Variants in PKHD1 observed in about 807,000 individuals in gnomAD.
The protein encoded by PKHD1 is fibrocystin.
In PKHD1, 291 loss-of-function variants were observed where a neutral mutation model predicts 412.0. That is an observed-to-expected ratio of 0.71 (90% CI 0.64 to 0.78). The LOEUF is 0.78. Ranked by LOEUF, PKHD1 falls within the 30% of genes least tolerant of loss-of-function variation. The probability of loss-of-function intolerance (pLI) is 0.00; values close to 1 mark genes in which losing one functional copy is unlikely to be tolerated. For missense variants in PKHD1, 4,825 were observed against 4,950.7 expected (o/e 0.97, Z 0.76); for synonymous variants, 1,777 against 1,821.5 (o/e 0.98, Z 0.62).
chr6:51,739,824 T>C (rs982753298), intron 60 of PKHD1, among the ~76,000 whole-genome samples: 3 of 152,186 alleles, frequency 2.0e-5, no homozygotes, highest in Admixed American at 1.3e-4. Flanking sequence ...TTAAATTCTG[T>C]TGAAACTGAA....
At chr6:51,846,914 C>A (rs1771266958) in intron 50 of PKHD1, among the ~76,000 whole-genome samples, 1 of 152,156 alleles carries the variant, frequency 6.6e-6, no homozygotes, top group African/African-American at 2.4e-5. Context: ...GGACTCTCTA[C>A]TGTTCCTCAT....
chr6:51,632,763 T>G (rs1768082784), intron 64 of PKHD1, 40 bp from the exon 65 acceptor site: 1 of 1,515,276 alleles, frequency 6.6e-7, no homozygotes. Flanking sequence ...GATATGTTAA[T>G]AAGATGCTAA....
At chr6:51,862,950 T>C (rs2151732515) in intron 48 of PKHD1, among the ~76,000 whole-genome samples, 1 of 152,312 alleles carries the variant, frequency 6.6e-6, no homozygotes, top group African/African-American at 2.4e-5. Flanking sequence ...CATTTGTTTC[T>C]CAGAAACAAA....
intron 60 of PKHD1, chr6:51,682,349 C>T: frequency 2.5e-6 from 1 of 399,374 alleles, no homozygotes; most frequent in Non-Finnish European, 5.0e-6. Flanking sequence ...CATCAGTATT[C>T]TCTGTTAAAG....
At chr6:51,730,592 T>C (rs1157368464) in intron 60 of PKHD1, among the ~76,000 whole-genome samples, 2 of 152,190 alleles carry the variant, frequency 1.3e-5, no homozygotes, top group Admixed American at 6.5e-5. Context: ...ATGCTTCCAA[T>C]TGTCAGAAAC....
intron 38 of PKHD1, among the ~76,000 whole-genome samples, 160 bp downstream of exon 38, chr6:51,912,206 C>T (rs752549924): frequency 1.8e-4 from 27 of 152,082 alleles, no homozygotes; most frequent in Non-Finnish European, 3.8e-4. Flanking sequence ...TCTAAATCTT[C>T]AAAACATTTC....
intron 35 of PKHD1, among the ~76,000 whole-genome samples, chr6:51,970,853 C>T (rs1182767217): frequency 1.3e-5 from 2 of 152,124 alleles, no homozygotes; most frequent in Non-Finnish European, 2.9e-5. Context: ...GTGACCATAG[C>T]CTTGCAGTAT....
intron 46 of PKHD1, among the ~76,000 whole-genome samples, chr6:51,871,313 T>TTTAGAA (rs1562505563): frequency 7.6e-6 from 1 of 130,882 alleles, no homozygotes; most frequent in African/African-American, 2.6e-5. Context: ...CAAACTGCAT[T>TTTAGAA]ACATCTATCT....
intron 57 of PKHD1, 79 bp downstream of exon 57, chr6:51,753,122 T>G: frequency 8.0e-7 from 1 of 1,252,582 alleles, no homozygotes; most frequent in Non-Finnish European, 1.2e-6. Context: ...AAATGAAAAT[T>G]CTCACAGTTG....
intron 52 of PKHD1, among the ~76,000 whole-genome samples, chr6:51,792,907 A>G (rs946953242): frequency 1.3e-5 from 2 of 152,220 alleles, no homozygotes; most frequent in African/African-American, 4.8e-5. Flanking sequence ...TTCAAATTAT[A>G]TACATACATT....
At chr6:51,745,845 T>C (rs1259545692) in intron 59 of PKHD1, among the ~76,000 whole-genome samples, 6 of 152,172 alleles carry the variant, frequency 3.9e-5, no homozygotes, top group Non-Finnish European at 8.8e-5. Flanking sequence ...GAAAATTGGA[T>C]AGTAAATTTT....
intron 60 of PKHD1, chr6:51,721,286 T>A: frequency 1.1e-6 from 1 of 913,400 alleles, no homozygotes; most frequent in Non-Finnish European, 1.3e-6. Flanking sequence ...TACATTTATG[T>A]TCTTTCTTTA....
chr6:51,739,071 ATAT>A (rs1784221865), intron 60 of PKHD1, among the ~76,000 whole-genome samples: 1 of 147,380 alleles, frequency 6.8e-6, no homozygotes, highest in Non-Finnish European at 1.5e-5. Context: ...CGTATTTTAT[ATAT>A]TTTTTATATA....
intron 60 of PKHD1, among the ~76,000 whole-genome samples, chr6:51,675,856 T>C (rs780676973): frequency 2.0e-5 from 3 of 152,224 alleles, no homozygotes; most frequent in Non-Finnish European, 4.4e-5. Context: ...CCAGAAGCTC[T>C]TCTCTAAGTG....
intron 60 of PKHD1, among the ~76,000 whole-genome samples, chr6:51,669,129 TC>T (rs1774417440): frequency 6.6e-6 from 1 of 152,120 alleles, no homozygotes; most frequent in Non-Finnish European, 1.5e-5. Flanking sequence ...TGGTACCAGT[TC>T]CTCCTTGTAC....
At chr6:51,805,816 T>C (rs1763672789) in intron 52 of PKHD1, among the ~76,000 whole-genome samples, 1 of 152,090 alleles carries the variant, frequency 6.6e-6, no homozygotes, top group Non-Finnish European at 1.5e-5. Flanking sequence ...AGAAGAATAA[T>C]TAAGAGGCAT....
In PKHD1 at chr6:51,619,198, C is replaced by A. The variant is rs752237108; in HGVS notation, c.12108G>T (p.Arg4036=). 12 of 1,614,256 alleles carry A rather than the reference C, an allele frequency of 7.4e-6. No individual in the cohort carries two copies. The highest frequency in any genetic ancestry group is 9.3e-6 in the Non-Finnish European group (11 of 1,180,038). ...CCAAGCTGCCACTTTGCTTACTCAG[C>A]CGACTTTGCCCTGGCAACTGCTGCC... The part of the protein sequence containing the change: ...QERQQLPGQS[R]LSKQSGSLGL... Residue 4036 remains arginine (R), a synonymous_variant, in exon 67 of 67, where the codon CGG becomes CGT. Transcript: ENST00000371117.
At chr6:51,818,657 C>T (rs891011230) in intron 52 of PKHD1, among the ~76,000 whole-genome samples, 11 of 152,208 alleles carry the variant, frequency 7.2e-5, no homozygotes, top group Admixed American at 2.0e-4. Flanking sequence ...TAGTTTGTCA[C>T]CTAGCCAAAA....
At chr6:51,771,488 G>A (rs1005305383) in intron 55 of PKHD1, among the ~76,000 whole-genome samples, 6 of 151,862 alleles carry the variant, frequency 4.0e-5, no homozygotes, top group African/African-American at 1.5e-4. Flanking sequence ...GCATGGTGGT[G>A]TGTGCCTGTA....
Sources: allele counts gnomAD v4.1 joint callset (sites outside exome capture counted in the v4.1 genomes callset), GRCh38; gene constraint gnomAD v4.1.1; transcripts MANE v1.5; gene names NCBI Gene and HGNC (gene_info 2026-07-23, HGNC 2026-07-21).